Variants in ALPK3 observed in about 807,000 individuals in gnomAD.
ALPK3 encodes alpha kinase 3, also known as alpha-protein kinase 3.
Under a neutral mutation model 140.0 loss-of-function variants are expected in ALPK3, and 102 were observed. The ratio of observed to expected loss-of-function variants is 0.73; its 90% CI spans 0.62 to 0.86. The LOEUF is 0.86. ALPK3 is among the 40% of genes least tolerant of loss of function. The probability of loss-of-function intolerance (pLI) is 0.00; values close to 1 mark genes in which losing one functional copy is unlikely to be tolerated. For synonymous variants in ALPK3, 938 were observed against 898.5 expected, an observed-to-expected ratio of 1.04 and a Z score of -0.79; for missense variants, 2,254 against 2,208.2, an observed-to-expected ratio of 1.02 and a Z score of -0.42.
In ALPK3 at chr15:84,840,784, T is replaced by C. The variant is rs780739176; in HGVS notation, c.1505T>C (p.Leu502Pro). 1.2e-6 allele frequency: 2 copies of C among 1,614,216 alleles called. No homozygotes were observed. The highest frequency in any genetic ancestry group is 1.7e-6 in the Non-Finnish European group (2 of 1,180,026). ...ACTGACAGCAAGCCCATTTCTTCTC[T>C]GAGTCAAGCTCCAGAATGCGGGGCC... ...ATTDSKPISS[L>P]SQAPECGAQS... Residue 502 changes from leucine (L) to proline (P), a missense_variant, in exon 5 of 14, where the codon CTG becomes CCG. Around this residue, in one of 3 missense-constraint regions of ALPK3, gnomAD observed 2,088 missense variants for 2,022.9 expected, o/e 1.03. Transcript: ENST00000258888.
At chr15:84,859,519 C>G in intron 7 of ALPK3, 129 bp downstream of exon 7, 3 of 1,350,084 alleles carry the variant, frequency 2.2e-6, no homozygotes, top group Non-Finnish European at 3.0e-6. Context: ...TCCTTTTATT[C>G]CCATAGTAGA....
chr15:84,825,188 AT>A (rs1363089482), intron 2 of ALPK3, among the ~76,000 whole-genome samples: 2 of 149,930 alleles, frequency 1.3e-5, no homozygotes, highest in African/African-American at 2.5e-5. Context: ...TTTTATTATT[AT>A]TTTTTTTTTG....
Position 84,860,082 on chromosome 15 carries a change from C to T in ALPK3, c.4129+10C>T. ...AGAGAAGAAGGTGAAGGTATGGTTC[C>T]CCCCTGGGGAAGGCGGGGTGGTCCT... On this transcript the variant is annotated intron_variant, in intron 9 of 13. Transcript: ENST00000258888. 6.2e-7 allele frequency: 1 copy of T among 1,614,104 alleles called. No homozygotes were observed. The highest frequency in any genetic ancestry group is 8.5e-7 in the Non-Finnish European group (1 of 1,180,004).
Position 84,840,762 on chromosome 15 carries a change from G to A in ALPK3, c.1483G>A (p.Asp495Asn). ...PPKPKGEATT[D>N]SKPISSLSQA... ...AAAGCCCAAAGGAGAGGCCACCACT[G>A]ACAGCAAGCCCATTTCTTCTCTGAG... is the stretch of plus-strand genomic sequence containing the variant. Residue 495 changes from aspartate (D) to asparagine (N), a missense_variant, in exon 5 of 14, where the codon GAC (aspartate) becomes AAC (asparagine). Asp to Asn is a conservative substitution (Grantham distance 23, BLOSUM62 1). Around this residue, in one of 3 missense-constraint regions of ALPK3, gnomAD observed 2,088 missense variants for 2,022.9 expected, o/e 1.03. Transcript: ENST00000258888. 6.2e-7 allele frequency: 1 copy of A among 1,614,200 alleles called. No individual in the cohort carries two copies. Among genetic ancestry groups the A allele is most frequent in the East Asian group, 2.2e-5 (1 of 44,884 alleles).
chr15:84,871,059 T>G lies in ALPK3; in HGVS notation c.*2603T>G, dbSNP rs1964065003. On this transcript the variant is annotated 3_prime_UTR_variant, in exon 14 of 14. Coordinates refer to ENST00000258888, the MANE Select transcript of ALPK3 (RefSeq NM_020778.5). ...TCTTTCAGTTTTATCACAATTCCAT[T>G]TTGAAATTCTACAACCTGTAGATTA... The G allele has an allele frequency of 6.6e-6, 1 of 152,646 alleles. No homozygotes were observed. The highest frequency in any genetic ancestry group is 2.4e-5 in the African/African-American group (1 of 41,436). The allele number at this position is 152,646 out of a possible 1,614,324, so 9.5% of individuals were successfully genotyped here.
At chr15:84,835,743 A>C (rs1317335359) in intron 3 of ALPK3, among the ~76,000 whole-genome samples, 1 of 152,172 alleles carries the variant, frequency 6.6e-6, no homozygotes, top group Non-Finnish European at 1.5e-5. Context: ...CCCACCCTCC[A>C]AGTTGAGTTC....
chr15:84,847,204 A>C, intron 5 of ALPK3, among the ~76,000 whole-genome samples: 1 of 124,614 alleles, frequency 8.0e-6, no homozygotes, highest in Admixed American at 8.8e-5. Context: ...GGAGGGAGAA[A>C]CGGGGAGAGA....
At chr15:84,835,539 A>G (rs1963589683) in intron 3 of ALPK3, among the ~76,000 whole-genome samples, 1 of 152,214 alleles carries the variant, frequency 6.6e-6, no homozygotes. Flanking sequence ...GCACTGTCTT[A>G]GGTGGTGGGG....
chr15:84,862,502 G>T, intron 9 of ALPK3, 133 bp from the exon 10 acceptor site: 1 of 1,078,220 alleles, frequency 9.3e-7, no homozygotes, highest in South Asian at 1.6e-5. Flanking sequence ...TGCCCAAAGA[G>T]CAGGCGTGGA....
chr15:84,839,691 C>A lies in ALPK3; in HGVS notation c.423-11C>A. ...GAGGGGAGAGGTGGCACCTCCCGCT[C>A]CTACCTCTAGGTGTCGAGAAGAAGA... On this transcript the variant is annotated splice_polypyrimidine_tract_variant and intron_variant, in intron 4 of 13. Coordinates refer to ENST00000258888, the MANE Select transcript of ALPK3 (RefSeq NM_020778.5). 1 of 1,588,042 alleles carries A rather than the reference C, an allele frequency of 6.3e-7. No homozygotes were observed. The highest frequency in any genetic ancestry group is 1.1e-5 in the South Asian group (1 of 87,246).
chr15:84,848,247 TAA>T (rs149511884), intron 5 of ALPK3, among the ~76,000 whole-genome samples: 8 of 143,298 alleles, frequency 5.6e-5, no homozygotes, highest in African/African-American at 1.8e-4. Context: ...AGGTAAAAAG[TAA>T]AAAAAAAAAA....
chr15:84,831,805 T>C (rs1963547911), intron 3 of ALPK3, among the ~76,000 whole-genome samples: 1 of 152,192 alleles, frequency 6.6e-6, no homozygotes, highest in African/African-American at 2.4e-5. Context: ...CTGTTTACTG[T>C]AGGGTGACCT....
chr15:84,863,431 C>G, intron 10 of ALPK3, 121 bp from the exon 11 acceptor site: 3 of 804,120 alleles, frequency 3.7e-6, no homozygotes, highest in South Asian at 1.8e-5. Context: ...CCTTCCTCCC[C>G]CAGGGCTGGA....
At chr15:84,847,386 G>A (rs1963744905) in intron 5 of ALPK3, among the ~76,000 whole-genome samples, 1 of 152,086 alleles carries the variant, frequency 6.6e-6, no homozygotes, top group African/African-American at 2.4e-5. Context: ...AGGAATAATG[G>A]CTGAAAACTT....
Position 84,823,388 on chromosome 15 carries a change from C to T in ALPK3, c.182+20C>T. Reference sequence around the variant, plus strand: ...TGGAAGGTAAATGCATATTGCACTACATTTCTCTGACTGCTTTTTCCTTGG... The same window carrying T: ...TGGAAGGTAAATGCATATTGCACTATATTTCTCTGACTGCTTTTTCCTTGG... On this transcript the variant is annotated intron_variant, in intron 2 of 13. Coordinates refer to ENST00000258888, the MANE Select transcript of ALPK3 (RefSeq NM_020778.5). The T allele has an allele frequency of 6.2e-7, 1 of 1,613,832 alleles. No homozygotes were observed. The highest frequency in any genetic ancestry group is 8.5e-7 in the Non-Finnish European group (1 of 1,179,760).
At chr15:84,818,213 A>G (rs1163191945) in intron 1 of ALPK3, among the ~76,000 whole-genome samples, 3 of 152,116 alleles carry the variant, frequency 2.0e-5, no homozygotes, top group African/African-American at 7.2e-5. Context: ...GCTCTGAGGG[A>G]GCCAAGTGCC....
chr15:84,854,591 T>C (rs1963840146), intron 5 of ALPK3, among the ~76,000 whole-genome samples: 1 of 152,228 alleles, frequency 6.6e-6, no homozygotes, highest in Non-Finnish European at 1.5e-5. Flanking sequence ...CTGGCCTTCA[T>C]TCATTTTCTA....
rs1467777064 is a variant in ALPK3 at position 84,847,249 on chromosome 15, G to GAGAGAGAGAGAGAGAGAGAGA, written c.1653+6317_1653+6318insAGAGAGAGAGAGAGAGAGAGA. Reference sequence around the variant, plus strand: ...AGAGAGAGAGAGAGAGAGAGAGAGAGGAATCAGAAAAATCAATGAACAGAG... The same window carrying GAGAGAGAGAGAGAGAGAGAGA: ...AGAGAGAGAGAGAGAGAGAGAGAGAGAGAGAGAGAGAGAGAGAGAGAGAATCAGAAAAATCAATGAACAGAG... On this transcript the variant is annotated intron_variant, in intron 5 of 13. Transcript: ENST00000258888. Among the ~76,000 whole-genome samples the GAGAGAGAGAGAGAGAGAGAGA allele has an allele frequency of 1.0e-4, 12 of 117,984 alleles. No individual in the cohort carries two copies. In the East Asian group the frequency reaches 1.0e-3, roughly 10 times the overall value. The allele number at this position is 117,984 out of a possible 152,430, so 77.4% of individuals were successfully genotyped here.
intron 2 of ALPK3, among the ~76,000 whole-genome samples, chr15:84,825,171 G>C (rs544341561): frequency 6.6e-6 from 1 of 151,740 alleles, no homozygotes; most frequent in Admixed American, 6.6e-5. Flanking sequence ...ATAACTACTT[G>C]TTTTTATTTT....
Sources: gnomAD v4.1 joint callset for allele counts (sites outside exome capture counted in the v4.1 genomes callset) on GRCh38, gnomAD v4.1.1 for gene constraint, gnomAD v4.1.1 regional missense constraint, MANE v1.5 for transcripts, NCBI Gene and HGNC (gene_info 2026-07-23, HGNC 2026-07-21) for gene names.